Variants in PDE10A observed in about 807,000 individuals in gnomAD.
The protein encoded by PDE10A is cAMP and cAMP-inhibited cGMP 3',5'-cyclic phosphodiesterase 10A.
Under a neutral mutation model 97.7 loss-of-function variants are expected in PDE10A, and 39 were observed. The ratio of observed to expected loss-of-function variants is 0.40; its 90% CI spans 0.31 to 0.52. PDE10A has a LOEUF of 0.52. Among genes scored for constraint, PDE10A ranks in the 20% least tolerant of loss-of-function variants. PDE10A has a pLI of 0.56. For missense variants in PDE10A, 731 were observed against 1,047.8 expected, an observed-to-expected ratio of 0.70 and a Z score of 4.17; for synonymous variants, 371 against 376.8, an observed-to-expected ratio of 0.98 and a Z score of 0.18.
rs1309424880 is a variant in PDE10A, at chr6:165,577,451, G to C, written c.866-33883C>G. Among the ~76,000 whole-genome samples, 6 of 152,272 alleles carry C rather than the reference G, an allele frequency of 3.9e-5. No homozygotes were observed. The East Asian group carries it at 1.2e-3, about 29-fold the overall frequency. ...AAGAAACTCTGGGAAGTCTTCTAGGGCTTCAGCACAGCAGGAAACTGGGAC... is the reference window on the plus strand; with the variant it reads ...AAGAAACTCTGGGAAGTCTTCTAGGCCTTCAGCACAGCAGGAAACTGGGAC... On this transcript the variant is annotated intron_variant, in intron 1 of 21. Transcript: ENST00000539869.
intron 18 of PDE10A, among the ~76,000 whole-genome samples, chr6:165,357,602 G>C (rs1000514549): frequency 6.6e-6 from 1 of 151,836 alleles, no homozygotes; most frequent in Non-Finnish European, 1.5e-5. Flanking sequence ...ATAGTAAGCT[G>C]GATTTCTCAA....
chr6:165,405,554 AC>A (rs1787070948), intron 13 of PDE10A, among the ~76,000 whole-genome samples: 1 of 152,222 alleles, frequency 6.6e-6, no homozygotes, highest in Non-Finnish European at 1.5e-5. Context: ...CTGTTCTAAG[AC>A]TTTATTCACA....
chr6:165,473,481 TAAG>T (rs1406143964), intron 3 of PDE10A, among the ~76,000 whole-genome samples: 2 of 152,000 alleles, frequency 1.3e-5, no homozygotes. Flanking sequence ...AATACAGAAA[TAAG>T]AAGAGAGTCC....
At chr6:165,771,045 TG>T (rs1777995468) in intron 1 of PDE10A, among the ~76,000 whole-genome samples, 1 of 152,198 alleles carries the variant, frequency 6.6e-6, no homozygotes, top group African/African-American at 2.4e-5. Context: ...ATTGCAGGAC[TG>T]GATTTAGAGA....
rs1043961396 is a variant in PDE10A at position 165,482,490 on chromosome 6, T to C, written c.995-147A>G. On this transcript the variant is annotated intron_variant, in intron 2 of 21. Transcript: ENST00000539869. ...AATCTATGAATTTGATTTTTTAAAC[T>C]GTAAAGGTTGAACATAACATATTAC... 7 of 684,462 alleles carry C rather than the reference T, an allele frequency of 1.0e-5. No individual in the cohort carries two copies. The African/African-American group carries it at 1.3e-4, about 12-fold the overall frequency. The allele number at this position is 684,462 out of a possible 1,614,324, so 42.4% of individuals were successfully genotyped here. A position where few individuals can be genotyped will look rare whatever the true frequency, so the allele number is the denominator to read the frequency against.
chr6:165,810,706 T>C (rs146600959), intron 1 of PDE10A, among the ~76,000 whole-genome samples: 10 of 152,264 alleles, frequency 6.6e-5, no homozygotes, highest in African/African-American at 2.2e-4. Context: ...GATGATGTCC[T>C]GGTGTTCTGC....
intron 1 of PDE10A, among the ~76,000 whole-genome samples, chr6:165,942,866 G>A (rs893912627): frequency 1.2e-4 from 19 of 152,088 alleles, no homozygotes; most frequent in African/African-American, 4.6e-4. Flanking sequence ...TTCTGAAAAT[G>A]AGGATTTGTT....
intron 1 of PDE10A, among the ~76,000 whole-genome samples, chr6:165,683,084 T>C (rs1351727963): frequency 6.6e-6 from 1 of 152,140 alleles, no homozygotes; most frequent in African/African-American, 2.4e-5. Flanking sequence ...TAGCACATGG[T>C]GCGTACTCAC....
chr6:165,642,583 A>C (rs144667233), intron 1 of PDE10A, among the ~76,000 whole-genome samples: 206 of 152,322 alleles, frequency 1.4e-3, no homozygotes, highest in African/African-American at 4.8e-3. Context: ...TGGAAGTTGA[A>C]AGACTAGCCC....
intron 13 of PDE10A, among the ~76,000 whole-genome samples, chr6:165,408,457 C>G (rs1787398062): frequency 6.6e-6 from 1 of 151,946 alleles, no homozygotes; most frequent in African/African-American, 2.4e-5. Flanking sequence ...CATCTCGGTG[C>G]CACAGTGATG....
intron 1 of PDE10A, among the ~76,000 whole-genome samples, chr6:165,737,364 C>T (rs950957981): frequency 1.1e-4 from 17 of 152,096 alleles, no homozygotes; most frequent in African/African-American, 2.9e-4. Context: ...CCAATATCCC[C>T]GATGAACATA....
Position 165,450,303 on chromosome 6 carries a change from C to A in PDE10A, c.1083G>T (p.Arg361=), listed in dbSNP as rs144686330. The change falls in exon 4 of 22, where the codon CGG becomes CGT. Residue 361 remains arginine (R), a synonymous_variant. Coordinates refer to ENST00000539869, the MANE Select transcript of PDE10A (RefSeq NM_001385079.1). ...GCTGGTTGTCTCCTCCTGTGTCCAA[C>A]CGTTGTTCTATATAGCTGTTTAGTT... ...VYELNSYIEQ[R]LDTGGDNQLL... The A allele has an allele frequency of 1.2e-6, 2 of 1,601,172 alleles. No individual in the cohort carries two copies. The highest frequency in any genetic ancestry group is 1.7e-5 in the Admixed American group (1 of 59,878).
At chr6:165,852,993 T>C (rs1196908510) in intron 1 of PDE10A, among the ~76,000 whole-genome samples, 1 of 152,268 alleles carries the variant, frequency 6.6e-6, no homozygotes, top group African/African-American at 2.4e-5. Context: ...CCGATGATCA[T>C]ACCTGCTTTT....
chr6:165,788,745 G>A (rs1778568246), intron 1 of PDE10A, among the ~76,000 whole-genome samples: 1 of 152,048 alleles, frequency 6.6e-6, no homozygotes, highest in African/African-American at 2.4e-5. Context: ...ATTAAAGCAG[G>A]ATGGTTATTT....
chr6:165,662,048 A>G lies in PDE10A; in HGVS notation c.764T>C (p.Leu255Pro). Residue 255 changes from leucine (L) to proline (P), a missense_variant, in exon 1 of 22, where the codon CTC becomes CCC. By Grantham distance (98) the Leu-to-Pro change is moderately conservative. This residue lies in a region of PDE10A where 181 missense variants were observed against 159.1 expected (regional missense o/e 1.14). Transcript: ENST00000539869. ...GAAGAGCAGCGCGGCCGCGGCGGCGAGGGCGAAGCTGGCGCCCTGGGGACG... is the reference window on the plus strand; with the variant it reads ...GAAGAGCAGCGCGGCCGCGGCGGCGGGGGCGAAGCTGGCGCCCTGGGGACG... ...PRRPQGASFA[L>P]AAAAALLFGS... 6.8e-7 allele frequency: 1 copy of G among 1,467,326 alleles called. No individual in the cohort carries two copies. The highest frequency in any genetic ancestry group is 1.3e-5 in the South Asian group (1 of 76,312). The allele number at this position is 1,467,326 out of a possible 1,614,324, so 90.9% of individuals were successfully genotyped here.
chr6:165,784,365 C>A (rs1486077214), intron 1 of PDE10A, among the ~76,000 whole-genome samples: 1 of 152,198 alleles, frequency 6.6e-6, no homozygotes, highest in Non-Finnish European at 1.5e-5. Flanking sequence ...CTGGTCCTTT[C>A]CACGTTTCTG....
At chr6:165,901,573 C>T (rs913950796) in intron 1 of PDE10A, among the ~76,000 whole-genome samples, 60 of 152,134 alleles carry the variant, frequency 3.9e-4, no homozygotes, top group Non-Finnish European at 3.5e-4. Context: ...GAAGCCGAGG[C>T]GGGCGGATCA....
intron 1 of PDE10A, among the ~76,000 whole-genome samples, chr6:165,728,490 G>A (rs1171653875): frequency 6.6e-6 from 1 of 152,110 alleles, no homozygotes; most frequent in Non-Finnish European, 1.5e-5. Flanking sequence ...ATGGTTTGAA[G>A]AAAAAGAATC....
At position 165,375,233 on chromosome 6, in the gene PDE10A, T is replaced by G. The variant is rs144320733; in HGVS notation, c.2783+3961A>C. Among the ~76,000 whole-genome samples, 26 of 152,308 alleles carry G rather than the reference T, an allele frequency of 1.7e-4. No homozygotes were observed. The East Asian group carries it at 3.9e-3, about 23-fold the overall frequency. On this transcript the variant is annotated intron_variant, in intron 18 of 21. Coordinates refer to ENST00000539869, the MANE Select transcript of PDE10A (RefSeq NM_001385079.1). ...TAGGAAGGCACATCTAAAGCTGAGA[T>G]AGGCTGAAAGCAAGGACTCTTGGGC...
Sources: allele counts gnomAD v4.1 joint callset (sites outside exome capture counted in the v4.1 genomes callset), GRCh38; gene constraint gnomAD v4.1.1; regional missense constraint gnomAD v4.1.1; transcripts MANE v1.5; gene names NCBI Gene and HGNC (gene_info 2026-07-23, HGNC 2026-07-21).